The following ATP8B4 variants were observed in gnomAD, a reference collection of about 807,000 sequenced individuals.
The protein encoded by ATP8B4 is probable phospholipid-transporting ATPase IM.
In ATP8B4, 133 loss-of-function variants were observed where a neutral mutation model predicts 145.6. That is an observed-to-expected ratio of 0.91 (90% confidence interval 0.79 to 1.05). The LOEUF (loss-of-function observed/expected upper bound fraction) is 1.05, where lower values mean the gene tolerates loss of function less well. ATP8B4 is among the 50% of genes least tolerant of loss of function. ATP8B4 has a pLI of 0.00. For missense variants in ATP8B4, 1,458 were observed against 1,425.2 expected, an observed-to-expected ratio of 1.02 and a Z score of -0.37; for synonymous variants, 507 against 492.9, an observed-to-expected ratio of 1.03 and a Z score of -0.38.
At chr15:49,889,372 TG>T (rs987374130) in intron 23 of ATP8B4, among the ~76,000 whole-genome samples, 31 of 152,322 alleles carry the variant, frequency 2.0e-4, no homozygotes, top group African/African-American at 7.2e-4. Flanking sequence ...TTTTGTTCTT[TG>T]TTCCCGCTGC....
intron 23 of ATP8B4, among the ~76,000 whole-genome samples, chr15:49,892,030 C>T (rs1446644589): frequency 1.3e-5 from 2 of 151,100 alleles, no homozygotes; most frequent in Non-Finnish European, 2.9e-5. Flanking sequence ...GCAGGAGAAT[C>T]GTGTGAACCT....
intron 1 of ATP8B4, among the ~76,000 whole-genome samples, chr15:50,170,695 G>A (rs934954415): frequency 6.6e-6 from 1 of 152,054 alleles, no homozygotes; most frequent in Non-Finnish European, 1.5e-5. Flanking sequence ...AAATGCAATG[G>A]TATCTCACAT....
At chr15:49,930,973 G>T in intron 16 of ATP8B4, 146 bp downstream of exon 16, 1 of 824,292 alleles carries the variant, frequency 1.2e-6, no homozygotes, top group Non-Finnish European at 1.9e-6. Context: ...CAGTATTGAG[G>T]CTAGGTTGAG....
intron 3 of ATP8B4, 58 bp downstream of exon 3, chr15:50,074,069 C>T: frequency 6.9e-7 from 1 of 1,447,486 alleles, no homozygotes; most frequent in Non-Finnish European, 9.5e-7. Context: ...GACATGCATC[C>T]CACTGTCTTT....
rs183314475 is a variant in ATP8B4, at chr15:49,955,875, T to C, written c.1287+6102A>G. 2.6e-5 allele frequency among the ~76,000 whole-genome samples: 4 copies of C among 152,248 alleles called. No homozygotes were observed. The South Asian group carries it at 6.2e-4, about 24-fold the overall frequency. On this transcript the variant is annotated intron_variant, in intron 14 of 27. Transcript: ENST00000284509. The stretch of plus-strand genomic sequence containing the variant: ...TTGCTAGAGACTGGGGAAATGAGAA[T>C]ATGGTGATTTGCTGTGAAATTAGTA...
At chr15:50,102,125 C>T (rs1230939900) in intron 2 of ATP8B4, among the ~76,000 whole-genome samples, 1 of 151,974 alleles carries the variant, frequency 6.6e-6, no homozygotes, top group East Asian at 1.9e-4. Flanking sequence ...GCATTAAATG[C>T]CTACATCAAA....
rs201168099 is a variant in ATP8B4 at position 49,956,045 on chromosome 15, G to GA, written c.1287+5931dup. Among the ~76,000 whole-genome samples, 94 of 152,038 alleles carry GA rather than the reference G, an allele frequency of 6.2e-4. No individual in the cohort carries two copies. The East Asian group carries it at 0.018, about 29-fold the overall frequency. On this transcript the variant is annotated intron_variant, in intron 14 of 27. Transcript: ENST00000284509. ...ATAAAATGGAATTCAATAAAGAACA[G>GA]AAAAAAATAGTGGGAAAAGATTCAA...
intron 23 of ATP8B4, among the ~76,000 whole-genome samples, chr15:49,894,223 C>A (rs1347381245): frequency 6.6e-6 from 1 of 152,178 alleles, no homozygotes; most frequent in African/African-American, 2.4e-5. Context: ...TTAACATACC[C>A]AGGACATAAG....
At chr15:50,001,019 T>G (rs28719901) in intron 8 of ATP8B4, among the ~76,000 whole-genome samples, 14,202 of 152,074 alleles carry the variant, frequency 0.093, 812 homozygotes, top group African/African-American at 0.15. Flanking sequence ...ATACCAAATT[T>G]CCATGGTTCA....
Position 50,044,655 on chromosome 15 carries a change from G to A in ATP8B4, c.239C>T (p.Thr80Ile), listed in dbSNP as rs2051581511. ...PEISSLTWFT[T>I]IVPLVLVITM... is the part of the protein sequence containing the mutation. ...TATCACCAGGACCAAAGGCACAATGGTGGTAAACCAGGTCAAGGAGGAAAT... is the reference window on the plus strand; with the variant it reads ...TATCACCAGGACCAAAGGCACAATGATGGTAAACCAGGTCAAGGAGGAAAT... Residue 80 changes from threonine (T) to isoleucine (I), a missense_variant, in exon 5 of 28, where the codon ACC becomes ATC. Thr to Ile is a moderately conservative substitution (Grantham distance 89). Transcript: ENST00000284509. 6.2e-7 allele frequency: 1 copy of A among 1,613,456 alleles called. No homozygotes were observed. The highest frequency in any genetic ancestry group is 8.5e-7 in the Non-Finnish European group (1 of 1,179,654).
chr15:49,984,063 G>A (rs1360085610), intron 10 of ATP8B4, among the ~76,000 whole-genome samples: 1 of 152,158 alleles, frequency 6.6e-6, no homozygotes, highest in Non-Finnish European at 1.5e-5. Context: ...AGTATTTTAA[G>A]CAAATTAATT....
chr15:50,155,448 T>C (rs1311166994), intron 1 of ATP8B4, among the ~76,000 whole-genome samples: 1 of 152,118 alleles, frequency 6.6e-6, no homozygotes, highest in Non-Finnish European at 1.5e-5. Flanking sequence ...GTCTGACCAA[T>C]AAACCCAGGA....
intron 22 of ATP8B4, 118 bp downstream of exon 22, chr15:49,897,950 A>G: frequency 8.6e-7 from 1 of 1,161,960 alleles, no homozygotes; most frequent in Non-Finnish European, 1.2e-6. Flanking sequence ...AGTATCATTC[A>G]TTTTAGAATC....
At chr15:50,047,330 G>T in intron 4 of ATP8B4, 21 bp downstream of exon 4, 1 of 1,397,384 alleles carries the variant, frequency 7.2e-7, no homozygotes, top group South Asian at 1.2e-5. Flanking sequence ...AGATAATAGA[G>T]AAATACAACC....
intron 13 of ATP8B4, among the ~76,000 whole-genome samples, chr15:49,967,080 A>C (rs2044621896): frequency 6.6e-6 from 1 of 152,226 alleles, no homozygotes; most frequent in Non-Finnish European, 1.5e-5. Context: ...ATCAACATCA[A>C]CAAAAAGGAC....
chr15:50,033,899 C>CT (rs1397049121), intron 6 of ATP8B4, among the ~76,000 whole-genome samples: 2 of 152,046 alleles, frequency 1.3e-5, no homozygotes, highest in Non-Finnish European at 2.9e-5. Flanking sequence ...GATTTTGTTC[C>CT]TTTTTATGGC....
rs561252023 is a variant in ATP8B4, at chr15:49,939,111, G to C, written c.1288-4929C>G. On this transcript the variant is annotated intron_variant, in intron 14 of 27. Coordinates refer to ENST00000284509, the MANE Select transcript of ATP8B4 (RefSeq NM_024837.4). Reference sequence around the variant, plus strand: ...GGGATGAGGCAAAAGCAGTAATAAGGGGAAAGTTTATAATGCTAAACAATT... The same window carrying C: ...GGGATGAGGCAAAAGCAGTAATAAGCGGAAAGTTTATAATGCTAAACAATT... Among the ~76,000 whole-genome samples the C allele has an allele frequency of 2.6e-5, 4 of 151,944 alleles. No homozygotes were observed. In the South Asian group the frequency reaches 8.3e-4, roughly 32 times the overall value.
chr15:49,961,769 T>C (rs2153508140), intron 14 of ATP8B4, among the ~76,000 whole-genome samples: 1 of 152,242 alleles, frequency 6.6e-6, no homozygotes, highest in East Asian at 1.9e-4. Flanking sequence ...TGCATAAATA[T>C]CTCAAGAATA....
chr15:50,006,670 C>CCT (rs1212721249), intron 7 of ATP8B4, among the ~76,000 whole-genome samples: 1 of 152,072 alleles, frequency 6.6e-6, no homozygotes, highest in Non-Finnish European at 1.5e-5. Context: ...ATTGTCAATT[C>CCT]CTCTATCAGA....
Sources: gnomAD v4.1 joint callset for allele counts (sites outside exome capture counted in the v4.1 genomes callset) on GRCh38, gnomAD v4.1.1 for gene constraint, MANE v1.5 for transcripts, NCBI Gene and HGNC (gene_info 2026-07-23, HGNC 2026-07-21) for gene names.